Variants in ZNFX1 observed in about 807,000 individuals in gnomAD.
ZNFX1 encodes NFX1-type zinc finger-containing protein 1.
ZNFX1 carries 78 observed loss-of-function variants against 179.8 expected under a neutral mutation model. The ratio of observed to expected loss-of-function variants is 0.43; its 90% CI spans 0.36 to 0.52. The LOEUF is 0.52. Among genes scored for constraint, ZNFX1 ranks in the 20% least tolerant of loss-of-function variants. ZNFX1 has a pLI of 0.00. For synonymous variants in ZNFX1, 848 were observed against 868.5 expected (o/e 0.98, Z 0.42); for missense variants, 1,927 against 2,386.6 (o/e 0.81, Z 4.01).
chr20:49,251,153 T>C (rs1166768999), intron 13 of ZNFX1, among the ~76,000 whole-genome samples: 1 of 152,110 alleles, frequency 6.6e-6, no homozygotes, highest in African/African-American at 2.4e-5. Context: ...TCTTTTTTTT[T>C]TTGACAGGGA....
chr20:49,274,133 G>A (rs1981493336), intron 2 of ZNFX1, among the ~76,000 whole-genome samples: 1 of 152,194 alleles, frequency 6.6e-6, no homozygotes, highest in Non-Finnish European at 1.5e-5. Context: ...TAGCTTTGGT[G>A]ACTAGGATTC....
chr20:49,250,138 C>T (rs1019720531), intron 13 of ZNFX1, among the ~76,000 whole-genome samples: 4 of 152,088 alleles, frequency 2.6e-5, no homozygotes, highest in Non-Finnish European at 5.9e-5. Context: ...GCCTATAATC[C>T]CAGCTATTCA....
At chr20:49,267,381 G>C (rs1034928200) in intron 3 of ZNFX1, among the ~76,000 whole-genome samples, 5 of 151,762 alleles carry the variant, frequency 3.3e-5, no homozygotes, top group Non-Finnish European at 4.4e-5. Context: ...GTGTACTGCA[G>C]CCTGAACACC....
intron 13 of ZNFX1, among the ~76,000 whole-genome samples, chr20:49,250,301 T>C (rs1229151414): frequency 6.6e-6 from 1 of 151,946 alleles, no homozygotes; most frequent in Non-Finnish European, 1.5e-5. Flanking sequence ...ATCCAACCAT[T>C]ATAGCTGAAA....
In ZNFX1 at chr20:49,248,958, C is replaced by T. The variant is rs777192629; in HGVS notation, c.4066G>A (p.Gly1356Ser). 69 of 1,614,082 alleles carry T rather than the reference C, an allele frequency of 4.3e-5. No homozygotes were observed. Among genetic ancestry groups the T allele is most frequent in the South Asian group, 7.7e-5 (7 of 91,088 alleles). Residue 1356 changes from glycine to serine, a missense_variant, in exon 14 of 14, where the codon GGC becomes AGC. Gly to Ser is a moderately conservative substitution (Grantham distance 56). Transcript: ENST00000396105. This position sits in a 1 kb window ranked among gnomAD's most constrained non-coding sequence, Gnocchi z 4.6. ...VKVPKTIPRC[G>S]HEQMVPCSVP... is the part of the protein sequence containing the mutation. ...GAACAAGGGACCATTTGTTCATGGCCGCACCGAGGAATGGTTTTGGGCACC... is the reference window on the plus strand; with the variant it reads ...GAACAAGGGACCATTTGTTCATGGCTGCACCGAGGAATGGTTTTGGGCACC...
intron 7 of ZNFX1, among the ~76,000 whole-genome samples, chr20:49,258,087 G>A (rs970435269): frequency 7.0e-6 from 1 of 143,424 alleles, no homozygotes; most frequent in African/African-American, 2.6e-5. Context: ...ACATTATCAA[G>A]GGTTTATGTG....
chr20:49,249,029 C>G lies in ZNFX1; in HGVS notation c.3995G>C (p.Arg1332Pro). 6.2e-7 allele frequency: 1 copy of G among 1,614,232 alleles called. No individual in the cohort carries two copies. Among genetic ancestry groups the G allele is most frequent in the Non-Finnish European group, 8.5e-7 (1 of 1,180,042 alleles). The change falls in exon 14 of 14, where the codon CGG becomes CCG. Residue 1332 changes from arginine to proline, a missense_variant. Physicochemically the swap from Arg to Pro is moderately radical, Grantham distance 103. Coordinates refer to ENST00000396105, the MANE Select transcript of ZNFX1 (RefSeq NM_021035.3). The part of the protein sequence containing the change: ...CQKVICQEGH[R>P]CPLVCFQECQ... ...CTCCTGGAAGCAAACAAGGGGACAC[C>G]GGTGCCCTTCCTGACAGATGACCTT...
At chr20:49,262,419 A>T (rs1442066635) in intron 6 of ZNFX1, among the ~76,000 whole-genome samples, 1 of 151,466 alleles carries the variant, frequency 6.6e-6, no homozygotes, top group Non-Finnish European at 1.5e-5. Context: ...AAAAAAAAAA[A>T]AAGAAGAAAA....
intron 2 of ZNFX1, among the ~76,000 whole-genome samples, chr20:49,274,225 G>A (rs1237811998): frequency 1.3e-5 from 2 of 152,150 alleles, no homozygotes; most frequent in African/African-American, 2.4e-5. Context: ...GAATTAAGAC[G>A]TGTAAAACAC....
chr20:49,252,762 C>A lies in ZNFX1; in HGVS notation c.3174G>T (p.Arg1058=), dbSNP rs1363914530. Residue 1058 remains arginine (R), a synonymous_variant, in exon 12 of 14, where the codon CGG becomes CGT. Coordinates refer to ENST00000396105, the MANE Select transcript of ZNFX1 (RefSeq NM_021035.3). ...NFNLEVSLFE[R]LVKVNIPFVR... The stretch of plus-strand genomic sequence containing the variant: ...CAAAGGGAATGTTTACTTTCACTAG[C>A]CGTTCAAAAAGGGACACCTCAAGGT... 6.2e-7 allele frequency: 1 copy of A among 1,614,034 alleles called. No homozygotes were observed. The highest frequency in any genetic ancestry group is 8.5e-7 in the Non-Finnish European group (1 of 1,179,994).
At chr20:49,266,066 G>A (rs1981226060) in intron 4 of ZNFX1, 69 bp downstream of exon 4, 25 of 1,543,748 alleles carry the variant, frequency 1.6e-5, no homozygotes, top group Middle Eastern at 1.7e-4. Context: ...GCAATAGAAA[G>A]CTACTGAAGT....
chr20:49,258,896 G>C (rs1981044398), intron 7 of ZNFX1, among the ~76,000 whole-genome samples: 1 of 152,066 alleles, frequency 6.6e-6, no homozygotes, highest in Admixed American at 6.6e-5. Context: ...CTGAGGTCAG[G>C]AGCTCAAGAC....
intron 2 of ZNFX1, 86 bp downstream of exon 2, chr20:49,275,693 A>T: frequency 5.5e-6 from 7 of 1,266,526 alleles, no homozygotes; most frequent in Non-Finnish European, 8.0e-6. Context: ...AGACAATCTT[A>T]GGTAGGCCTG....
intron 8 of ZNFX1, 31 bp downstream of exon 8, chr20:49,257,386 G>A: frequency 6.2e-7 from 1 of 1,612,792 alleles, no homozygotes; most frequent in Non-Finnish European, 8.5e-7. Context: ...AACACTCTCA[G>A]GCCTGTTTCA....
intron 11 of ZNFX1, 75 bp from the exon 12 acceptor site, chr20:49,252,905 C>T: frequency 2.6e-6 from 3 of 1,155,800 alleles, no homozygotes; most frequent in Non-Finnish European, 3.9e-6. Context: ...TCCATCCAAC[C>T]AACCATCAAA....
In ZNFX1 at chr20:49,271,729, G is replaced by A; in HGVS notation, c.83C>T (p.Pro28Leu). Residue 28 changes from proline (P) to leucine (L), a missense_variant, in exon 3 of 14, where the codon CCA becomes CTA. Coordinates refer to ENST00000396105, the MANE Select transcript of ZNFX1 (RefSeq NM_021035.3). ...ATTGGCCTGATTTCTAGCTCTTGGT[G>A]GTAACTCTCCATCCACAGGGCCTAA... ...NHRGPVDGEL[P>L]PRARNQANNP... 1 of 1,612,934 alleles carries A rather than the reference G, an allele frequency of 6.2e-7. No individual in the cohort carries two copies. Among genetic ancestry groups the A allele is most frequent in the South Asian group, 1.1e-5 (1 of 91,022 alleles).
intron 9 of ZNFX1, 33 bp downstream of exon 9, chr20:49,255,775 C>CT (rs1980954872): frequency 6.3e-7 from 1 of 1,587,002 alleles, no homozygotes. Flanking sequence ...GAGGAACTCC[C>CT]TACATGGGTT....
rs1981564760 is a variant in ZNFX1, at chr20:49,276,516, G to A, written c.-48-629C>T. 2.6e-5 allele frequency among the ~76,000 whole-genome samples: 4 copies of A among 152,334 alleles called. No individual in the cohort carries two copies. In the South Asian group the frequency reaches 8.3e-4, roughly 32 times the overall value. ...GGAGGTTTGGCAACTACGAGGTGCT[G>A]TTTCCTCAGGACCAGCTAGAAATCT... On this transcript the variant is annotated intron_variant, in intron 1 of 13. Transcript: ENST00000396105.
Position 49,249,489 on chromosome 20 carries a change from C to T in ZNFX1, c.3535G>A (p.Val1179Ile), listed in dbSNP as rs182667423. Residue 1179 changes from valine to isoleucine, a missense_variant, in exon 14 of 14, where the codon GTC becomes ATC. Coordinates refer to ENST00000396105, the MANE Select transcript of ZNFX1 (RefSeq NM_021035.3). The part of the protein sequence containing the change: ...KLMPAKTFAG[V>I]RVHVVDKYQG... ...TATTTGTCCACAACATGGACCCTGA[C>T]GCCAGCAAATGTCTTGGCAGGCATC... 1.7e-5 allele frequency: 27 copies of T among 1,614,236 alleles called. No individual in the cohort carries two copies. In the East Asian group the frequency reaches 2.7e-4, roughly 16 times the overall value.
Sources: gnomAD v4.1 joint callset for allele counts (sites outside exome capture counted in the v4.1 genomes callset) on GRCh38, gnomAD v4.1.1 for gene constraint, Gnocchi (gnomAD v3.1) non-coding constraint, MANE v1.5 for transcripts, NCBI Gene and HGNC (gene_info 2026-07-23, HGNC 2026-07-21) for gene names.